Variants in GLYAT observed in about 807,000 individuals in gnomAD.
GLYAT encodes the protein glycine N-acyltransferase.
Under a neutral mutation model 22.8 loss-of-function variants are expected in GLYAT, and 25 were observed. The observed-to-expected ratio is 1.09, with a 90% confidence interval of 0.80 to 1.53. The LOEUF (loss-of-function observed/expected upper bound fraction) is 1.53. Among genes scored for constraint, GLYAT ranks in the 40% most tolerant of loss-of-function variants. The pLI is 0.00. For synonymous variants in GLYAT, 140 were observed against 122.7 expected (o/e 1.14, Z -0.93); for missense variants, 411 against 353.9 (o/e 1.16, Z -1.29).
chr11:58,724,640 A>T, intron 1 of GLYAT, 129 bp from the exon 2 acceptor site: 1 of 424,800 alleles, frequency 2.4e-6, no homozygotes, highest in South Asian at 8.8e-5. Flanking sequence ...GTCCTCAGCA[A>T]ATCCAAGAGA....
chr11:58,716,159 G>A (rs1305580254), intron 2 of GLYAT, among the ~76,000 whole-genome samples: 2 of 152,066 alleles, frequency 1.3e-5, no homozygotes, highest in South Asian at 4.1e-4. Flanking sequence ...GAAAGAGAGG[G>A]TAGGAGGTGA....
intron 3 of GLYAT, among the ~76,000 whole-genome samples, chr11:58,714,431 GTTAA>G (rs1362438864): frequency 1.3e-5 from 2 of 152,072 alleles, no homozygotes; most frequent in East Asian, 1.9e-4. Flanking sequence ...CTTGAAATGT[GTTAA>G]TTGTTTAGTT....
chr11:58,715,029 C>T (rs567198922), intron 3 of GLYAT, among the ~76,000 whole-genome samples: 2 of 152,044 alleles, frequency 1.3e-5, no homozygotes, highest in Non-Finnish European at 2.9e-5. Flanking sequence ...GAAATCTCCA[C>T]CAAGAAGTAT....
intron 2 of GLYAT, among the ~76,000 whole-genome samples, chr11:58,720,482 T>C (rs1046462533): frequency 6.6e-6 from 1 of 152,072 alleles, no homozygotes; most frequent in Non-Finnish European, 1.5e-5. Context: ...TGACTCCATC[T>C]GGCTTTTAAC....
At chr11:58,728,354 C>T (rs1375535456) in intron 1 of GLYAT, among the ~76,000 whole-genome samples, 1 of 152,066 alleles carries the variant, frequency 6.6e-6, no homozygotes, top group African/African-American at 2.4e-5. Context: ...AGCCACTGCG[C>T]CTGGCTAAAG....
chr11:58,725,217 CT>C (rs1471058638), intron 1 of GLYAT, among the ~76,000 whole-genome samples: 1 of 152,172 alleles, frequency 6.6e-6, no homozygotes, highest in East Asian at 1.9e-4. Context: ...CACTTTGAGG[CT>C]AATTCCATCT....
At chr11:58,715,176 T>G (rs1026761071) in intron 3 of GLYAT, 140 bp downstream of exon 3, 3 of 557,060 alleles carry the variant, frequency 5.4e-6, no homozygotes, top group Non-Finnish European at 6.3e-6. Context: ...TCTTTCAGAC[T>G]CCGAGCTTCT....
At chr11:58,731,092 T>G (rs550232963) in intron 1 of GLYAT, among the ~76,000 whole-genome samples, 24 of 152,254 alleles carry the variant, frequency 1.6e-4, no homozygotes, top group African/African-American at 5.8e-4. Context: ...GATTAAATCT[T>G]TAGAGTAAAA....
chr11:58,730,391 A>G (rs1363359747), intron 1 of GLYAT, among the ~76,000 whole-genome samples: 1 of 152,154 alleles, frequency 6.6e-6, no homozygotes, highest in Non-Finnish European at 1.5e-5. Flanking sequence ...GACGATTCTA[A>G]TAGTTTTCAT....
Position 58,724,526 on chromosome 11 carries a change from A to T in GLYAT, c.-15-15T>A. 5 of 1,396,146 alleles carry T rather than the reference A, an allele frequency of 3.6e-6. No homozygotes were observed. Among genetic ancestry groups the T allele is most frequent in the Non-Finnish European group, 5.0e-6 (5 of 991,900 alleles). 86.5% of individuals were successfully genotyped at this position (1,396,146 alleles called of 1,614,324 possible). A position where few individuals can be genotyped will look rare whatever the true frequency, so the allele number is the denominator to read the frequency against. On this transcript the variant is annotated splice_polypyrimidine_tract_variant and intron_variant, in intron 1 of 5. Coordinates refer to ENST00000344743, the MANE Select transcript of GLYAT (RefSeq NM_201648.3). ...GATACCTTAGCCTAGAAAGACAACC[A>T]AGGAACATACAGGATTGAGAAAAGC...
chr11:58,721,958 G>A (rs1327748541), intron 2 of GLYAT, among the ~76,000 whole-genome samples: 1 of 152,034 alleles, frequency 6.6e-6, no homozygotes, highest in Non-Finnish European at 1.5e-5. Flanking sequence ...TGATTTCTGA[G>A]CACCGTAAGT....
At position 58,710,604 on chromosome 11, in the gene GLYAT, G is replaced by A. The variant is rs746614153; in HGVS notation, c.474C>T (p.Gly158=). The A allele has an allele frequency of 1.1e-5, 17 of 1,602,466 alleles. No individual in the cohort carries two copies. The highest frequency in any genetic ancestry group is 1.5e-5 in the Non-Finnish European group (17 of 1,169,226). ...LKSKILSPNG[G]KPKAINQEMF... is the part of the protein sequence containing the mutation. ...ATCAAACTCACATGGCCTTGGGTTT[G>A]CCACCATTGGGAGATAAAATCTTTG... The change falls in exon 5 of 6, where the codon GGC becomes GGT. Residue 158 remains glycine (G), a synonymous_variant. Coordinates refer to ENST00000344743, the MANE Select transcript of GLYAT (RefSeq NM_201648.3).
At chr11:58,724,691 T>G (rs1856794347) in intron 1 of GLYAT, among the ~76,000 whole-genome samples, 180 bp from the exon 2 acceptor site, 1 of 152,060 alleles carries the variant, frequency 6.6e-6, no homozygotes, top group African/African-American at 2.4e-5. Flanking sequence ...TTCTCTGAGT[T>G]TTTTAGCTCT....
chr11:58,720,484 G>T (rs1360281977), intron 2 of GLYAT, among the ~76,000 whole-genome samples: 2 of 151,942 alleles, frequency 1.3e-5, no homozygotes, highest in African/African-American at 4.8e-5. Flanking sequence ...ACTCCATCTG[G>T]CTTTTAACGT....
rs1271589106 is a variant in GLYAT at position 58,710,127 on chromosome 11, T to C, written c.530A>G (p.His177Arg). 1 of 1,614,032 alleles carries C rather than the reference T, an allele frequency of 6.2e-7. No individual in the cohort carries two copies. ...CCAGAATTTATTCACCAAGTGAGCA[T>C]GGGTAACATCCATGGATGAGAGTTT... ...MFKLSSMDVT[H>R]AHLVNKFWHF... Residue 177 changes from histidine to arginine, a missense_variant, in exon 6 of 6, where the codon CAT becomes CGT. Transcript: ENST00000344743.
Position 58,709,798 on chromosome 11 carries a change from T to C in GLYAT, c.859A>G (p.Ser287Gly). 1 of 1,613,464 alleles carries C rather than the reference T, an allele frequency of 6.2e-7. No individual in the cohort carries two copies. Among genetic ancestry groups the C allele is most frequent in the South Asian group, 1.1e-5 (1 of 90,970 alleles). Reference sequence around the variant, plus strand: ...GGTACACAGTTCCACTGGTTCCAGCTTCTGGGAATGGGAACATGTTGCAGT... The same window carrying C: ...GGTACACAGTTCCACTGGTTCCAGCCTCTGGGAATGGGAACATGTTGCAGT... Reference protein sequence around the residue: ...YTLQHVPIPRSWNQWNCVPL With the variant: ...YTLQHVPIPRGWNQWNCVPL Residue 287 changes from serine to glycine, a missense_variant, in exon 6 of 6, where the codon AGC (serine) becomes GGC (glycine). Transcript: ENST00000344743.
At chr11:58,729,241 G>A (rs1389784686) in intron 1 of GLYAT, among the ~76,000 whole-genome samples, 3 of 152,008 alleles carry the variant, frequency 2.0e-5, no homozygotes, top group African/African-American at 7.2e-5. Context: ...TCTAAATTAG[G>A]CTTCCACTTA....
rs141524728 is a variant in GLYAT at position 58,710,011 on chromosome 11, G to T, written c.646C>A (p.Pro216Thr). The change falls in exon 6 of 6, where the codon CCT becomes ACT. Residue 216 changes from proline to threonine, a missense_variant. Pro to Thr is a conservative substitution (Grantham distance 38). Transcript: ENST00000344743. ...TGGTCCATTAGATCCCAGCACACAGGGGTCCCCTCAGGCCCCAGGAGACAG... is the reference window on the plus strand; with the variant it reads ...TGGTCCATTAGATCCCAGCACACAGTGGTCCCCTCAGGCCCCAGGAGACAG... Reference protein sequence around the residue: ...TCCLLGPEGTPVCWDLMDQTG... With the variant: ...TCCLLGPEGTTVCWDLMDQTG... The T allele has an allele frequency of 2.7e-5, 43 of 1,613,954 alleles. No homozygotes were observed. The African/African-American group carries it at 5.2e-4, about 20-fold the overall frequency.
chr11:58,711,957 A>T (rs1289928627), intron 4 of GLYAT, among the ~76,000 whole-genome samples: 1 of 152,226 alleles, frequency 6.6e-6, no homozygotes, highest in African/African-American at 2.4e-5. Flanking sequence ...ACATGTTGCC[A>T]TCATGCTGTC....
Sources: gnomAD v4.1 joint callset for allele counts (sites outside exome capture counted in the v4.1 genomes callset) on GRCh38, gnomAD v4.1.1 for gene constraint, MANE v1.5 for transcripts, NCBI Gene and HGNC (gene_info 2026-07-23, HGNC 2026-07-21) for gene names.